GRM7: variants seen among roughly 807,000 people sequenced by gnomAD.
The protein encoded by GRM7 is glutamate metabotropic receptor 7, also known as metabotropic glutamate receptor 7.
GRM7 carries 35 observed loss-of-function variants against 84.5 expected under a neutral mutation model. The observed-to-expected ratio is 0.41, with a 90% CI of 0.32 to 0.55. GRM7 has a LOEUF of 0.55. Among genes scored for constraint, GRM7 ranks in the 20% least tolerant of loss-of-function variants. GRM7 has a pLI of 0.19. For synonymous variants in GRM7, 487 were observed against 455.1 expected (o/e 1.07, Z -0.89); for missense variants, 1,003 against 1,194.6 (o/e 0.84, Z 2.36).
At chr3:7,710,507 G>A in intron 9 of GRM7, among the ~76,000 whole-genome samples, 1 of 20,694 alleles carries the variant, frequency 4.8e-5, no homozygotes, top group South Asian at 5.2e-3. Context: ...TGTAAAAGGA[G>A]CATTATCAGG....
Position 7,452,824 on chromosome 3 carries a change from C to G in GRM7, c.1375+17C>G, listed in dbSNP as rs751565946. On this transcript the variant is annotated intron_variant, in intron 6 of 9. Coordinates refer to ENST00000357716, the MANE Select transcript of GRM7 (RefSeq NM_000844.4). ...ATTTCAATGGTGAGTCTCCAAAAAT[C>G]CATCCTTTTTGGAATCCTAAGTGTT... 1.7e-5 allele frequency: 26 copies of G among 1,536,146 alleles called. No homozygotes were observed. The highest frequency in any genetic ancestry group is 4.1e-5 in the African/African-American group (3 of 73,722).
intron 7 of GRM7, among the ~76,000 whole-genome samples, chr3:7,537,934 T>C (rs1692645313): frequency 6.6e-6 from 1 of 152,148 alleles, no homozygotes; most frequent in African/African-American, 2.4e-5. Flanking sequence ...AGTTATGTTT[T>C]GTTTCCCCGC....
intron 9 of GRM7, among the ~76,000 whole-genome samples, chr3:7,714,283 T>C (rs897724906): frequency 1.3e-5 from 2 of 152,156 alleles, no homozygotes; most frequent in African/African-American, 2.4e-5. Context: ...ACTCTTTCCA[T>C]ATCTCAAAAC....
chr3:7,342,254 G>A (rs1215789237), intron 4 of GRM7, among the ~76,000 whole-genome samples: 1 of 152,078 alleles, frequency 6.6e-6, no homozygotes, highest in Non-Finnish European at 1.5e-5. Context: ...ATTCAGTCTG[G>A]CTTCAACTGT....
chr3:7,001,218 T>C (rs935395649), intron 1 of GRM7, among the ~76,000 whole-genome samples: 1 of 152,128 alleles, frequency 6.6e-6, no homozygotes, highest in African/African-American at 2.4e-5. Context: ...GGCATGGTGG[T>C]ACATGCCTGT....
intron 2 of GRM7, among the ~76,000 whole-genome samples, chr3:7,236,146 A>C (rs896259448): frequency 6.6e-6 from 1 of 152,254 alleles, no homozygotes; most frequent in Non-Finnish European, 1.5e-5. Flanking sequence ...ACCATTTATA[A>C]AGCAGAGACC....
chr3:7,633,412 CT>C (rs934919332), intron 8 of GRM7, among the ~76,000 whole-genome samples: 4 of 152,006 alleles, frequency 2.6e-5, no homozygotes, highest in Non-Finnish European at 2.9e-5. Context: ...AAATGAGGAA[CT>C]TTTTTTTCCA....
intron 1 of GRM7, among the ~76,000 whole-genome samples, chr3:7,005,136 C>T (rs146718023): frequency 1.3e-5 from 2 of 152,276 alleles, no homozygotes; most frequent in African/African-American, 2.4e-5. Context: ...GAACAAGTCA[C>T]GCGTCAAGGT....
chr3:7,720,855 C>G (rs1255320335), intron 9 of GRM7, among the ~76,000 whole-genome samples: 2 of 152,302 alleles, frequency 1.3e-5, no homozygotes, highest in East Asian at 3.9e-4. Context: ...TCTCATAGCC[C>G]TCTCTTGTCT....
intron 5 of GRM7, among the ~76,000 whole-genome samples, chr3:7,416,470 C>T (rs1008707284): frequency 6.6e-6 from 1 of 152,074 alleles, no homozygotes; most frequent in African/African-American, 2.4e-5. Context: ...TACCGGTCAC[C>T]CACATGTTGT....
At position 6,863,136 on chromosome 3, in the gene GRM7, C is replaced by G. The variant is rs1374803064; in HGVS notation, c.519+1229C>G. ...TCTGTCTCCTTGCTGTTTTTTTTTT[C>G]TCTCTGTTTTTTCTCTCCTTTTCAA... On this transcript the variant is annotated intron_variant, in intron 1 of 9. Transcript: ENST00000357716. This position sits in a 1 kb window ranked among gnomAD's most constrained non-coding sequence, Gnocchi z 4.8. The G allele has an allele frequency of 6.7e-6, 2 of 298,220 alleles. No individual in the cohort carries two copies. Among genetic ancestry groups the G allele is most frequent in the South Asian group, 5.1e-5 (2 of 38,938 alleles). 18.5% of individuals were successfully genotyped at this position (298,220 alleles called of 1,614,324 possible). A position where few individuals can be genotyped will look rare whatever the true frequency, so the allele number is the denominator to read the frequency against.
At chr3:6,875,002 G>C (rs572502460) in intron 1 of GRM7, among the ~76,000 whole-genome samples, 1 of 152,042 alleles carries the variant, frequency 6.6e-6, no homozygotes, top group Non-Finnish European at 1.5e-5. Context: ...TCAAGTGTGG[G>C]GTCTTACTCA....
intron 1 of GRM7, among the ~76,000 whole-genome samples, chr3:6,877,435 A>G (rs1574957828): frequency 6.6e-6 from 1 of 152,210 alleles, no homozygotes; most frequent in African/African-American, 2.4e-5. Flanking sequence ...TCATGGTTCT[A>G]TATAGATATG....
At chr3:6,947,000 A>C (rs566691144) in intron 1 of GRM7, among the ~76,000 whole-genome samples, 208 of 152,358 alleles carry the variant, frequency 1.4e-3, no homozygotes, top group African/African-American at 4.8e-3. Context: ...ATCTGCAAAC[A>C]GGGAGAATTT....
At chr3:7,482,653 G>T (rs1167264510) in intron 7 of GRM7, among the ~76,000 whole-genome samples, 1 of 152,194 alleles carries the variant, frequency 6.6e-6, no homozygotes, top group Non-Finnish European at 1.5e-5. Context: ...TATTGTGAAA[G>T]ACCCTCTATA....
rs554493427 is a variant in GRM7 at position 7,571,797 on chromosome 3, C to T, written c.1516-6625C>T. On this transcript the variant is annotated intron_variant, in intron 7 of 9. Transcript: ENST00000357716. ...TTCATGCTACTGATAGAGACATACC[C>T]GAGACTTGGCAATTTATAAAAGAAA... Among the ~76,000 whole-genome samples the T allele has an allele frequency of 6.5e-4, 99 of 152,234 alleles. 1 individual carries two copies. Among genetic ancestry groups the T allele is most frequent in the South Asian group, 1.9e-3 (9 of 4,824 alleles).
chr3:7,332,553 T>A lies in GRM7; in HGVS notation c.1033+25901T>A, dbSNP rs374800795. 2.2e-4 allele frequency among the ~76,000 whole-genome samples: 33 copies of A among 152,268 alleles called. No homozygotes were observed. In the South Asian group the frequency reaches 6.6e-3, roughly 31 times the overall value. ...AATATCAGAATCAATAACAACCAAG[T>A]CTTGAAAGATCTTTTCCTTGAGTTA... is the stretch of plus-strand genomic sequence containing the variant. On this transcript the variant is annotated intron_variant, in intron 4 of 9. Transcript: ENST00000357716.
chr3:7,525,489 G>A (rs62233451), intron 7 of GRM7, among the ~76,000 whole-genome samples: 3,410 of 152,152 alleles, frequency 0.022, 62 homozygotes, highest in Non-Finnish European at 0.036. Flanking sequence ...AAGTAGCTGG[G>A]ATTGCAGGTA....
chr3:7,080,842 G>A (rs993505070), intron 1 of GRM7, among the ~76,000 whole-genome samples: 33 of 151,796 alleles, frequency 2.2e-4, no homozygotes, highest in African/African-American at 3.9e-4. Flanking sequence ...TCATTCTTGC[G>A]TGTCCTATAC....
Sources: allele counts gnomAD v4.1 joint callset (sites outside exome capture counted in the v4.1 genomes callset), GRCh38; gene constraint gnomAD v4.1.1; non-coding constraint Gnocchi (gnomAD v3.1); transcripts MANE v1.5; gene names NCBI Gene and HGNC (gene_info 2026-07-23, HGNC 2026-07-21).